The following BIRC6 variants were observed in gnomAD, a reference collection of about 807,000 sequenced individuals.
BIRC6 encodes dual E2 ubiquitin-conjugating enzyme/E3 ubiquitin-protein ligase BIRC6.
Under a neutral mutation model 503.3 loss-of-function variants are expected in BIRC6, and 98 were observed. That is an observed-to-expected ratio of 0.19 (90% CI 0.17 to 0.23). The LOEUF (loss-of-function observed/expected upper bound fraction) is 0.23. Among genes scored for constraint, BIRC6 ranks in the 10% least tolerant of loss-of-function variants. BIRC6 has a pLI of 1.00. For synonymous variants in BIRC6, 2,240 were observed against 2,078.7 expected (o/e 1.08, Z -2.11); for missense variants, 5,360 against 5,806.0 (o/e 0.92, Z 2.50).
rs550785263 is a variant in BIRC6 at position 32,585,222 on chromosome 2, C to T, written c.13356-8693C>T. ...AAAGATGTTTATTGATGCACAGACT[C>T]CAAGCCTCATTCCATACCGATTGTG... is the stretch of plus-strand genomic sequence containing the variant. On this transcript the variant is annotated intron_variant, in intron 66 of 73. Coordinates refer to ENST00000421745, the MANE Select transcript of BIRC6 (RefSeq NM_016252.4). Among the ~76,000 whole-genome samples the T allele has an allele frequency of 2.6e-5, 4 of 152,182 alleles. No homozygotes were observed. The East Asian group carries it at 7.7e-4, about 29-fold the overall frequency.
In BIRC6 at chr2:32,357,214, C is replaced by A; in HGVS notation, c.53C>A (p.Pro18His). ...APPGTVTEPL[P>H]SVIVLSAGRK... ...CCCGGGACTGTCACTGAGCCGCTTC[C>A]CAGTGTGATTGTGCTGAGCGCAGGC... The change falls in exon 1 of 74, where the codon CCC (proline) becomes CAC (histidine). Residue 18 changes from proline (P) to histidine (H), a missense_variant. Physicochemically the swap from Pro to His is moderately conservative, Grantham distance 77. This residue lies in a region of BIRC6 where 145 missense variants were observed against 106.9 expected (regional missense o/e 1.36). Transcript: ENST00000421745. The surrounding 1 kb of genome is among the most constrained non-coding windows in gnomAD (Gnocchi z 4.9). 1 of 1,537,204 alleles carries A rather than the reference C, an allele frequency of 6.5e-7. No homozygotes were observed. The highest frequency in any genetic ancestry group is 8.7e-7 in the Non-Finnish European group (1 of 1,146,698).
At chr2:32,468,932 C>T in intron 29 of BIRC6, 149 bp downstream of exon 29, 1 of 650,078 alleles carries the variant, frequency 1.5e-6, no homozygotes, top group Non-Finnish European at 2.5e-6. Flanking sequence ...TTAGGTTAAT[C>T]TATTTCTCCC....
intron 65 of BIRC6, among the ~76,000 whole-genome samples, chr2:32,552,947 A>G (rs1450352007): frequency 6.7e-6 from 1 of 149,984 alleles, no homozygotes; most frequent in Non-Finnish European, 1.5e-5. Context: ...AAAACAATCC[A>G]TATTTAATAT....
At position 32,415,191 on chromosome 2, in the gene BIRC6, A is replaced by G; in HGVS notation, c.1900A>G (p.Ser634Gly). 6.2e-7 allele frequency: 1 copy of G among 1,614,002 alleles called. No individual in the cohort carries two copies. Among genetic ancestry groups the G allele is most frequent in the East Asian group, 2.2e-5 (1 of 44,892 alleles). ...GACTTTACCGGTTTTGCTTCTTTAT[A>G]GCATCAAGGAATCTGATGAGAAAGC... ...RRTLPVLLLY[S>G]IKESDEKAGK... Residue 634 changes from serine (S) to glycine (G), a missense_variant, in exon 10 of 74, where the codon AGC becomes GGC. Ser to Gly is a moderately conservative substitution (Grantham distance 56). Around this residue, in one of 16 missense-constraint regions of BIRC6, gnomAD observed 700 missense variants for 739.3 expected, o/e 0.95. Coordinates refer to ENST00000421745, the MANE Select transcript of BIRC6 (RefSeq NM_016252.4).
At chr2:32,389,098 C>A (rs2038882797) in intron 4 of BIRC6, among the ~76,000 whole-genome samples, 155 bp downstream of exon 4, 1 of 152,092 alleles carries the variant, frequency 6.6e-6, no homozygotes, top group Non-Finnish European at 1.5e-5. Context: ...GAATTAGAAT[C>A]TGAAAACCAG....
chr2:32,509,144 A>G (rs1260547326), intron 51 of BIRC6, among the ~76,000 whole-genome samples: 1 of 152,184 alleles, frequency 6.6e-6, no homozygotes, highest in Non-Finnish European at 1.5e-5. Flanking sequence ...GATAGTAATC[A>G]GTTTATCAGT....
intron 10 of BIRC6, among the ~76,000 whole-genome samples, chr2:32,427,413 G>T (rs182080705): frequency 1.6e-3 from 244 of 152,086 alleles, no homozygotes; most frequent in African/African-American, 5.6e-3. Context: ...CTCCTGAGTA[G>T]CTCAGGGGAT....
At chr2:32,368,895 G>A (rs1380422228) in intron 1 of BIRC6, among the ~76,000 whole-genome samples, 2 of 152,080 alleles carry the variant, frequency 1.3e-5, no homozygotes, top group Non-Finnish European at 2.9e-5. Context: ...CAAGTGACCT[G>A]TCCTCCTTGG....
chr2:32,531,817 G>A (rs2056783891), intron 61 of BIRC6, among the ~76,000 whole-genome samples: 3 of 152,116 alleles, frequency 2.0e-5, no homozygotes, highest in Admixed American at 2.0e-4. Context: ...TGTAACACTA[G>A]CATTCTCTTT....
At chr2:32,470,133 C>G in intron 30 of BIRC6, 35 bp from the exon 31 acceptor site, 1 of 1,411,882 alleles carries the variant, frequency 7.1e-7, no homozygotes. Flanking sequence ...CGAATTGATT[C>G]TTATTCTTTT....
intron 65 of BIRC6, among the ~76,000 whole-genome samples, chr2:32,554,126 C>T (rs1184250408): frequency 6.6e-6 from 1 of 151,930 alleles, no homozygotes; most frequent in Non-Finnish European, 1.5e-5. Context: ...CTTTAGAGAC[C>T]CTCACCTATT....
At chr2:32,534,070 G>A (rs962420522) in intron 61 of BIRC6, among the ~76,000 whole-genome samples, 1 of 152,132 alleles carries the variant, frequency 6.6e-6, no homozygotes, top group Non-Finnish European at 1.5e-5. Flanking sequence ...AAGAGACACT[G>A]TCTGGGCATG....
chr2:32,514,826 C>CTA lies in BIRC6; in HGVS notation c.10569-150_10569-149dup, dbSNP rs150268324. ...CAATTTTAAATATATATATGTGTGT[C>CTA]TATATATATATATATGCAGTCTTAA... On this transcript the variant is annotated intron_variant, in intron 54 of 73. Coordinates refer to ENST00000421745, the MANE Select transcript of BIRC6 (RefSeq NM_016252.4). Among the ~76,000 whole-genome samples the CTA allele has an allele frequency of 4.1e-3, 605 of 148,820 alleles. 1 individual carries two copies. The highest frequency in any genetic ancestry group is 0.012 in the African/African-American group (470 of 40,704).
chr2:32,431,429 C>G (rs2044111889), intron 12 of BIRC6, among the ~76,000 whole-genome samples: 1 of 152,012 alleles, frequency 6.6e-6, no homozygotes, highest in South Asian at 2.1e-4. Context: ...CTCCTGATCT[C>G]AGGTGATCCA....
In BIRC6 at chr2:32,357,527, A is replaced by G; in HGVS notation, c.325+41A>G. The G allele has an allele frequency of 6.5e-7, 1 of 1,531,408 alleles. No individual in the cohort carries two copies. The highest frequency in any genetic ancestry group is 8.8e-7 in the Non-Finnish European group (1 of 1,140,050). 94.9% of individuals were successfully genotyped at this position (1,531,408 alleles called of 1,614,324 possible). ...GCCGGGCGGGCGCGAAGCCGGGGAA[A>G]GAAGCCGTCCAGCCCCGGGGCTCGG... is the stretch of plus-strand genomic sequence containing the variant. On this transcript the variant is annotated intron_variant, in intron 1 of 73. Transcript: ENST00000421745. This position sits in a 1 kb window ranked among gnomAD's most constrained non-coding sequence, Gnocchi z 4.9.
rs138407586 is a variant in BIRC6 at position 32,540,182 on chromosome 2, A to G, written c.12292-3059A>G. On this transcript the variant is annotated intron_variant, in intron 61 of 73. Coordinates refer to ENST00000421745, the MANE Select transcript of BIRC6 (RefSeq NM_016252.4). ...TTCATTTTTAAGTACCATGGTTATG[A>G]TTTTGAAATCACATTAATCCCATGT... 5.5e-3 allele frequency among the ~76,000 whole-genome samples: 836 copies of G among 152,176 alleles called. 11 individuals carry two copies. Among genetic ancestry groups the G allele is most frequent in the African/African-American group, 0.019 (788 of 41,564 alleles).
intron 1 of BIRC6, among the ~76,000 whole-genome samples, chr2:32,370,476 T>C (rs1248689611): frequency 6.6e-6 from 1 of 152,208 alleles, no homozygotes. Flanking sequence ...TTGTGTTTTA[T>C]GTTGTATTTT....
chr2:32,361,695 C>G (rs1347871297), intron 1 of BIRC6, among the ~76,000 whole-genome samples: 1 of 152,156 alleles, frequency 6.6e-6, no homozygotes, highest in Non-Finnish European at 1.5e-5. Context: ...CCTTTTCCCC[C>G]CAACTGTTCC....
intron 71 of BIRC6, 85 bp from the exon 72 acceptor site, chr2:32,607,370 A>G (rs967973325): frequency 1.6e-5 from 15 of 910,998 alleles, no homozygotes; most frequent in Admixed American, 2.8e-5. Flanking sequence ...CATATTAAAG[A>G]AGAGTCTTTG....
Sources: allele counts gnomAD v4.1 joint callset (sites outside exome capture counted in the v4.1 genomes callset), GRCh38; gene constraint gnomAD v4.1.1; regional missense constraint gnomAD v4.1.1; non-coding constraint Gnocchi (gnomAD v3.1); transcripts MANE v1.5; gene names NCBI Gene and HGNC (gene_info 2026-07-23, HGNC 2026-07-21).